TAPT1: variants seen among roughly 807,000 people sequenced by gnomAD.
TAPT1 encodes transmembrane anterior posterior transformation 1.
Under a neutral mutation model 65.6 loss-of-function variants are expected in TAPT1, and 28 were observed. The ratio of observed to expected loss-of-function variants is 0.43; its 90% confidence interval spans 0.32 to 0.59. The LOEUF (loss-of-function observed/expected upper bound fraction) is 0.59, where lower values mean the gene tolerates loss of function less well. Among genes scored for constraint, TAPT1 ranks in the 20% least tolerant of loss-of-function variants. The pLI, the probability that TAPT1 is intolerant of heterozygous loss-of-function variation, is 0.09. For missense variants in TAPT1, 563 were observed against 679.9 expected (o/e 0.83, Z 1.91); for synonymous variants, 278 against 245.2 (o/e 1.13, Z -1.25).
At chr4:16,196,279 A>G (rs1292275482) in intron 3 of TAPT1, among the ~76,000 whole-genome samples, 1 of 152,224 alleles carries the variant, frequency 6.6e-6, no homozygotes, top group Non-Finnish European at 1.5e-5. Context: ...ACTATACTGA[A>G]AAAAATAACT....
At chr4:16,173,907 A>G (rs1578416483) in intron 11 of TAPT1, among the ~76,000 whole-genome samples, 1 of 152,338 alleles carries the variant, frequency 6.6e-6, no homozygotes, top group Non-Finnish European at 1.5e-5. Context: ...CCATGCTCAG[A>G]TATTTCCATT....
chr4:16,213,764 G>C lies in TAPT1; in HGVS notation c.330+4C>G. The C allele has an allele frequency of 6.4e-7, 1 of 1,552,962 alleles. No homozygotes were observed. The highest frequency in any genetic ancestry group is 1.7e-4 in the Middle Eastern group (1 of 5,804). ...GATGTCTGGTAATGAAGAAAAAATA[G>C]TACCTTTTCCAATTCTCTTGGTATT... On this transcript the variant is annotated splice_donor_region_variant and intron_variant, in intron 2 of 13. Coordinates refer to ENST00000405303, the MANE Select transcript of TAPT1 (RefSeq NM_153365.3).
At position 16,160,877 on chromosome 4, in the gene TAPT1, C is replaced by A. The variant is rs1008623317; in HGVS notation, c.*2431G>T. 6.6e-6 allele frequency: 1 copy of A among 152,544 alleles called. No individual in the cohort carries two copies. Among genetic ancestry groups the A allele is most frequent in the East Asian group, 1.9e-4 (1 of 5,196 alleles). The allele number at this position is 152,544 out of a possible 1,614,324, so 9.4% of individuals were successfully genotyped here. ...ATGAATATAAACTCTAAATACTGGC[C>A]AAAGTCCACAAGAAAATCTGGACAA... On this transcript the variant is annotated 3_prime_UTR_variant, in exon 14 of 14. Transcript: ENST00000405303.
intron 12 of TAPT1, among the ~76,000 whole-genome samples, chr4:16,167,154 C>T (rs1004935277): frequency 8.6e-5 from 13 of 151,910 alleles, no homozygotes; most frequent in African/African-American, 2.7e-4. Context: ...CCACCACCCC[C>T]GGCTATTTTT....
chr4:16,221,537 G>GA (rs1255325079), intron 1 of TAPT1, among the ~76,000 whole-genome samples: 1 of 151,574 alleles, frequency 6.6e-6, no homozygotes, highest in African/African-American at 2.4e-5. Context: ...ACCCCTAAAA[G>GA]AAAAAACACA....
At chr4:16,227,258 C>T (rs1011253608), upstream of TAPT1, 3 of 455,398 alleles carry the variant, frequency 6.6e-6, no homozygotes, top group Non-Finnish European at 1.3e-5. Flanking sequence ...TCCACACTGT[C>T]TTTCGGGACT....
At chr4:16,186,678 T>G (rs1749037243) in intron 6 of TAPT1, 74 bp from the exon 7 acceptor site, 1 of 1,372,004 alleles carries the variant, frequency 7.3e-7, no homozygotes, top group African/African-American at 1.4e-5. Context: ...TTATAAAACT[T>G]CCGGGAGAAC....
upstream of TAPT1, chr4:16,226,746 C>T (rs1213662569): frequency 6.6e-6 from 1 of 150,958 alleles, no homozygotes; most frequent in Admixed American, 6.6e-5. Context: ...CGCCGGGCTC[C>T]ATGCAGCCGG....
chr4:16,200,656 C>T (rs756169753), intron 3 of TAPT1, among the ~76,000 whole-genome samples: 1 of 152,136 alleles, frequency 6.6e-6, no homozygotes, highest in Non-Finnish European at 1.5e-5. Flanking sequence ...TGTGTTTCAC[C>T]TGACTTTATC....
intron 9 of TAPT1, among the ~76,000 whole-genome samples, chr4:16,175,475 T>C (rs1392914530): frequency 6.6e-6 from 1 of 152,202 alleles, no homozygotes; most frequent in Non-Finnish European, 1.5e-5. Flanking sequence ...ACTGTGAGAC[T>C]GTTATTAAAA....
chr4:16,213,700 T>C, intron 2 of TAPT1, 68 bp downstream of exon 2: 1 of 1,389,192 alleles, frequency 7.2e-7, no homozygotes, highest in Middle Eastern at 2.1e-4. Flanking sequence ...TGTTGACCAT[T>C]TTTTTGCATA....
At chr4:16,179,480 T>C in intron 8 of TAPT1, 97 bp downstream of exon 8, 1 of 707,574 alleles carries the variant, frequency 1.4e-6, no homozygotes, top group Non-Finnish European at 2.2e-6. Context: ...CCAAAGTCTT[T>C]TGGAGTTTTC....
intron 1 of TAPT1, among the ~76,000 whole-genome samples, chr4:16,225,005 CAG>C (rs921494517): frequency 3.3e-4 from 51 of 152,298 alleles, no homozygotes; most frequent in African/African-American, 9.4e-4. Flanking sequence ...AGTAAGTAAA[CAG>C]ACAGTTGAGA....
At chr4:16,165,773 C>A (rs752076198) in intron 13 of TAPT1, among the ~76,000 whole-genome samples, 2 of 152,120 alleles carry the variant, frequency 1.3e-5, no homozygotes, top group Non-Finnish European at 2.9e-5. Flanking sequence ...AAATACTTCA[C>A]GCAAACCTCC....
Position 16,166,874 on chromosome 4 carries a change from G to C in TAPT1, c.1314-81C>G. 4 of 1,418,454 alleles carry C rather than the reference G, an allele frequency of 2.8e-6. No individual in the cohort carries two copies. In the East Asian group the frequency reaches 6.9e-5, roughly 25 times the overall value. The allele number at this position is 1,418,454 out of a possible 1,614,324, so 87.9% of individuals were successfully genotyped here. ...AATGCCATCTACTACCATGGCTAAG[G>C]AGAAGGTGGGGGGGCATGGGACGGT... On this transcript the variant is annotated intron_variant, in intron 12 of 13. Coordinates refer to ENST00000405303, the MANE Select transcript of TAPT1 (RefSeq NM_153365.3).
At chr4:16,218,276 G>A (rs1031706394) in intron 1 of TAPT1, among the ~76,000 whole-genome samples, 6 of 152,188 alleles carry the variant, frequency 3.9e-5, no homozygotes, top group Middle Eastern at 3.4e-3. Context: ...GTGGTGGCAG[G>A]TGCCTGTAAT....
chr4:16,163,234 A>T lies in TAPT1; in HGVS notation c.*74T>A. ...AAATAAATATTTAAGTGCCATGTTTAGCATCTATTTGTCCTGGCAACACAG... is the reference window on the plus strand; with the variant it reads ...AAATAAATATTTAAGTGCCATGTTTTGCATCTATTTGTCCTGGCAACACAG... On this transcript the variant is annotated 3_prime_UTR_variant, in exon 14 of 14. Coordinates refer to ENST00000405303, the MANE Select transcript of TAPT1 (RefSeq NM_153365.3). 1 of 1,002,306 alleles carries T rather than the reference A, an allele frequency of 1.0e-6. No individual in the cohort carries two copies. The highest frequency in any genetic ancestry group is 1.6e-6 in the Non-Finnish European group (1 of 637,672). 62.1% of individuals were successfully genotyped at this position (1,002,306 alleles called of 1,614,324 possible).
At chr4:16,198,916 CTT>C (rs1749875138) in intron 3 of TAPT1, among the ~76,000 whole-genome samples, 1 of 152,094 alleles carries the variant, frequency 6.6e-6, no homozygotes, top group Non-Finnish European at 1.5e-5. Flanking sequence ...AGTTTCGTGA[CTT>C]TAAAAATAAT....
intron 1 of TAPT1, among the ~76,000 whole-genome samples, chr4:16,214,989 T>C (rs1016546894): frequency 1.3e-5 from 2 of 151,994 alleles, no homozygotes; most frequent in Admixed American, 6.6e-5. Context: ...GGGGGAAGCG[T>C]TTATAGTAAA....
Sources: allele counts gnomAD v4.1 joint callset (sites outside exome capture counted in the v4.1 genomes callset), GRCh38; gene constraint gnomAD v4.1.1; transcripts MANE v1.5; gene names NCBI Gene and HGNC (gene_info 2026-07-23, HGNC 2026-07-21).